NDEL1: variants seen among roughly 807,000 people sequenced by gnomAD.
NDEL1 encodes nuclear distribution protein nudE-like 1.
NDEL1 carries 9 observed loss-of-function variants against 45.7 expected under a neutral mutation model. The ratio of observed to expected loss-of-function variants is 0.20; its 90% CI spans 0.12 to 0.34. The LOEUF (loss-of-function observed/expected upper bound fraction) is 0.34. Ranked by LOEUF, NDEL1 falls within the 10% of genes least tolerant of loss-of-function variation. The probability of loss-of-function intolerance (pLI) is 1.00; values close to 1 mark genes in which losing one functional copy is unlikely to be tolerated. For synonymous variants in NDEL1, 133 were observed against 158.6 expected (o/e 0.84, Z 1.21); for missense variants, 306 against 406.2 (o/e 0.75, Z 2.12).
Position 8,450,109 on chromosome 17 carries a change from C to A in NDEL1, c.527-671C>A, listed in dbSNP as rs569664555. Among the ~76,000 whole-genome samples the A allele has an allele frequency of 1.1e-3, 174 of 151,964 alleles. 1 individual carries two copies. The highest frequency in any genetic ancestry group is 2.2e-3 in the Non-Finnish European group (150 of 67,956). On this transcript the variant is annotated intron_variant, in intron 5 of 8. Coordinates refer to ENST00000334527, the MANE Select transcript of NDEL1 (RefSeq NM_030808.5). ...ACCAGCCTGACCAACATGGTGAAACCCCATCTCTACTAAAAATTCAAAAAA... is the reference window on the plus strand; with the variant it reads ...ACCAGCCTGACCAACATGGTGAAACACCATCTCTACTAAAAATTCAAAAAA...
At chr17:8,430,611 A>G in intron 1 of NDEL1, among the ~76,000 whole-genome samples, 1 of 152,148 alleles carries the variant, frequency 6.6e-6, no homozygotes. Flanking sequence ...ATCCTCATGC[A>G]TGCTCTCAGG....
intron 5 of NDEL1, 109 bp from the exon 6 acceptor site, chr17:8,450,671 G>C: frequency 3.1e-6 from 3 of 981,906 alleles, no homozygotes; most frequent in Non-Finnish European, 1.4e-6. Flanking sequence ...TCATTTTTGA[G>C]AAATAGTAAT....
At position 8,450,876 on chromosome 17, in the gene NDEL1, C is replaced by G. The variant is rs764427521; in HGVS notation, c.623C>G (p.Ser208Cys). 14 of 1,613,582 alleles carry G rather than the reference C, an allele frequency of 8.7e-6. No individual in the cohort carries two copies. The highest frequency in any genetic ancestry group is 1.2e-5 in the Non-Finnish European group (14 of 1,179,816). Residue 208 changes from serine to cysteine, a missense_variant, in exon 6 of 9, where the codon TCC (serine) becomes TGC (cysteine). Ser to Cys is a moderately radical substitution (Grantham distance 112). This residue lies in a region of NDEL1 where 175 missense variants were observed against 205.2 expected (regional missense o/e 0.85). Coordinates refer to ENST00000334527, the MANE Select transcript of NDEL1 (RefSeq NM_030808.5). ...ACTCTAGACTGTGAAAAGATGGACT[C>G]CGCCGTCCAAGCATCACTTTCTTTG... ...SPTLDCEKMD[S>C]AVQASLSLPA... is the part of the protein sequence containing the mutation.
At chr17:8,433,543 G>A (rs1047813890), upstream of NDEL1, among the ~76,000 whole-genome samples, 11 of 151,964 alleles carry the variant, frequency 7.2e-5, no homozygotes, top group African/African-American at 2.4e-4. Context: ...TTAGTATTTT[G>A]TATTGCTTCA....
chr17:8,461,404 A>G (rs988609362), intron 8 of NDEL1: 5 of 152,196 alleles, frequency 3.3e-5, no homozygotes, highest in African/African-American at 1.2e-4. Context: ...TTCTTAAAAA[A>G]TTTGTTTAAA....
At chr17:8,450,586 T>C (rs1039871564) in intron 5 of NDEL1, among the ~76,000 whole-genome samples, 194 bp from the exon 6 acceptor site, 1 of 152,234 alleles carries the variant, frequency 6.6e-6, no homozygotes, top group East Asian at 1.9e-4. Flanking sequence ...ATTTTTAAAT[T>C]CTAAAAGATC....
chr17:8,425,048 CG>C (rs1908798900), intron 1 of NDEL1, among the ~76,000 whole-genome samples: 1 of 152,168 alleles, frequency 6.6e-6, no homozygotes, highest in Non-Finnish European at 1.5e-5. Flanking sequence ...GCCCTTTTCA[CG>C]AGGGTGCTCG....
chr17:8,466,801 C>A, intron 8 of NDEL1, 129 bp from the exon 9 acceptor site: 1 of 869,666 alleles, frequency 1.1e-6, no homozygotes, highest in Non-Finnish European at 1.8e-6. Flanking sequence ...GCCCCTTGGG[C>A]CATCAGGACC....
chr17:8,431,701 A>G (rs533016762), upstream of NDEL1, among the ~76,000 whole-genome samples: 23 of 152,318 alleles, frequency 1.5e-4, no homozygotes, highest in Non-Finnish European at 2.8e-4. Flanking sequence ...TGGGAATAAC[A>G]CTACCTATCT....
At chr17:8,472,666 A>G (rs1029570689), downstream of NDEL1, among the ~76,000 whole-genome samples, 1 of 146,732 alleles carries the variant, frequency 6.8e-6, no homozygotes, top group South Asian at 2.1e-4. Flanking sequence ...CTGTCTCGGG[A>G]AAAAAAACAA....
chr17:8,471,525 C>T (rs1911832466), downstream of NDEL1, among the ~76,000 whole-genome samples: 1 of 152,144 alleles, frequency 6.6e-6, no homozygotes, highest in Non-Finnish European at 1.5e-5. Flanking sequence ...TCTGTGAGAC[C>T]CAGTTTGTCG....
At chr17:8,449,389 A>G (rs901360120) in intron 5 of NDEL1, among the ~76,000 whole-genome samples, 2 of 152,218 alleles carry the variant, frequency 1.3e-5, no homozygotes, top group African/African-American at 4.8e-5. Flanking sequence ...TCTGTCTCCC[A>G]AAATGTTGGG....
chr17:8,428,441 T>C (rs1027331624), intron 1 of NDEL1, among the ~76,000 whole-genome samples: 8 of 147,994 alleles, frequency 5.4e-5, no homozygotes, highest in Admixed American at 1.4e-4. Context: ...CTTGGCTCAC[T>C]GCAACCTCCG....
Position 8,460,170 on chromosome 17 carries a change from G to C in NDEL1, c.944+10G>C. ...CTTTCTTCGACAAAGGGTAAGTCCT[G>C]AATGTTTTAAGTGATAATTTTTTGA... On this transcript the variant is annotated intron_variant, in intron 8 of 8. Coordinates refer to ENST00000334527, the MANE Select transcript of NDEL1 (RefSeq NM_030808.5). 2 of 1,605,672 alleles carry C rather than the reference G, an allele frequency of 1.2e-6. No homozygotes were observed. The highest frequency in any genetic ancestry group is 1.7e-6 in the Non-Finnish European group (2 of 1,176,890).
At position 8,465,949 on chromosome 17, in the gene NDEL1, C is replaced by T. The variant is rs2313151; in HGVS notation, c.945-981C>T. The T allele has an allele frequency of 0.26, 39,098 of 152,540 alleles. 6,141 individuals are homozygous for T. Among genetic ancestry groups the T allele is most frequent in the Admixed American group, 0.36 (5,500 of 15,230 alleles). The allele number at this position is 152,540 out of a possible 1,614,324, so 9.4% of individuals were successfully genotyped here. ...TCCCTGCATCGCTGGGCTCTGGGTG[C>T]GTGATGGGGACGCTGGGGGGCTCCC... is the stretch of plus-strand genomic sequence containing the variant. On this transcript the variant is annotated intron_variant, in intron 8 of 8. Coordinates refer to ENST00000334527, the MANE Select transcript of NDEL1 (RefSeq NM_030808.5). This position sits in a 1 kb window ranked among gnomAD's most constrained non-coding sequence, Gnocchi z 4.9.
At position 8,435,972 on chromosome 17, in the gene NDEL1, G is replaced by C. The variant is rs1385465823; in HGVS notation, c.-86G>C. ...TAGGGGAGCTGAGCCGAGCGGCTGG[G>C]CGGGCCTGGCCGGGCCGGCGGAGGG... On this transcript the variant is annotated 5_prime_UTR_variant, in exon 1 of 9. Transcript: ENST00000334527. 2.2e-6 allele frequency: 1 copy of C among 447,414 alleles called. No individual in the cohort carries two copies. The highest frequency in any genetic ancestry group is 4.5e-6 in the Non-Finnish European group (1 of 223,556). The allele number at this position is 447,414 out of a possible 1,614,324, so 27.7% of individuals were successfully genotyped here. A position where few individuals can be genotyped will look rare whatever the true frequency, so the allele number is the denominator to read the frequency against.
At chr17:8,426,583 T>C (rs1412475178) in intron 1 of NDEL1, among the ~76,000 whole-genome samples, 3 of 152,076 alleles carry the variant, frequency 2.0e-5, no homozygotes, top group Non-Finnish European at 2.9e-5. Flanking sequence ...CTCTGGGGTG[T>C]GGGTAGTGCC....
downstream of NDEL1, among the ~76,000 whole-genome samples, chr17:8,471,955 C>T (rs917410840): frequency 1.3e-5 from 2 of 151,944 alleles, no homozygotes; most frequent in African/African-American, 4.9e-5. Context: ...GACTGGGAAG[C>T]CTGTGTGGGT....
At chr17:8,436,961 C>T (rs1243851204) in intron 1 of NDEL1, among the ~76,000 whole-genome samples, 1 of 151,930 alleles carries the variant, frequency 6.6e-6, no homozygotes, top group African/African-American at 2.4e-5. Flanking sequence ...ATTTTTATAC[C>T]CTTCTCAGCT....
Sources: gnomAD v4.1 joint callset for allele counts (sites outside exome capture counted in the v4.1 genomes callset) on GRCh38, gnomAD v4.1.1 for gene constraint, gnomAD v4.1.1 regional missense constraint, Gnocchi (gnomAD v3.1) non-coding constraint, MANE v1.5 for transcripts, NCBI Gene and HGNC (gene_info 2026-07-23, HGNC 2026-07-21) for gene names.